The following USP32 variants were observed in gnomAD, a reference collection of about 807,000 sequenced individuals.
USP32 encodes the protein ubiquitin specific peptidase 32, also known as ubiquitin carboxyl-terminal hydrolase 32.
Under a neutral mutation model 204.8 loss-of-function variants are expected in USP32, and 59 were observed. That is an observed-to-expected ratio of 0.29 (90% CI 0.23 to 0.36). The LOEUF (loss-of-function observed/expected upper bound fraction) is 0.36, where lower values mean the gene tolerates loss of function less well. Among genes scored for constraint, USP32 ranks in the 10% least tolerant of loss-of-function variants. USP32 has a pLI of 1.00. For missense variants in USP32, 1,160 were observed against 1,946.4 expected (o/e 0.60, Z 7.60); for synonymous variants, 517 against 678.4 (o/e 0.76, Z 3.70).
intron 1 of USP32, 22 bp from the exon 2 acceptor site, chr17:60,345,630 T>C: frequency 1.2e-6 from 2 of 1,613,622 alleles, no homozygotes; most frequent in Non-Finnish European, 1.7e-6. Context: ...AAACAGAAGA[T>C]GGGTAAGAAA....
chr17:60,212,411 G>T lies in USP32; in HGVS notation c.2105-313C>A, dbSNP rs372726448. 7.9e-5 allele frequency among the ~76,000 whole-genome samples: 12 copies of T among 152,254 alleles called. No individual in the cohort carries two copies. In the East Asian group the frequency reaches 2.3e-3, roughly 29 times the overall value. ...TACTGTAGGCAAGTGTAACACAATG[G>T]TAAGTATTTGTGTATCTAAACATGT... On this transcript the variant is annotated intron_variant, in intron 18 of 33. Coordinates refer to ENST00000300896, the MANE Select transcript of USP32 (RefSeq NM_032582.4).
intron 2 of USP32, among the ~76,000 whole-genome samples, chr17:60,321,270 G>A (rs2088105830): frequency 6.6e-6 from 1 of 152,086 alleles, no homozygotes; most frequent in African/African-American, 2.4e-5. Context: ...GCCACTGGGT[G>A]GTACACATAT....
At chr17:60,372,836 G>A (rs1214870571) in intron 1 of USP32, among the ~76,000 whole-genome samples, 2 of 139,120 alleles carry the variant, frequency 1.4e-5, no homozygotes, top group Non-Finnish European at 1.5e-5. Flanking sequence ...GACAGAGTGA[G>A]ACCCTGTCTA....
At chr17:60,347,042 C>T (rs905277106) in intron 1 of USP32, among the ~76,000 whole-genome samples, 9 of 152,120 alleles carry the variant, frequency 5.9e-5, no homozygotes, top group East Asian at 3.9e-4. Flanking sequence ...ATTCAGATAG[C>T]TCACTCTACC....
intron 2 of USP32, among the ~76,000 whole-genome samples, chr17:60,302,105 T>TTTTA (rs1191398405): frequency 3.3e-4 from 41 of 125,534 alleles, no homozygotes; most frequent in Middle Eastern, 3.8e-3. Context: ...TATATAAATA[T>TTTTA]TTTGTTTGTT....
chr17:60,401,978 T>C (rs1395477205), intron 1 of USP32, among the ~76,000 whole-genome samples: 1 of 152,130 alleles, frequency 6.6e-6, no homozygotes, highest in Non-Finnish European at 1.5e-5. Context: ...GCTCACACTG[T>C]GTGCTAGCCT....
intron 16 of USP32, among the ~76,000 whole-genome samples, chr17:60,215,231 C>T (rs1371840879): frequency 1.3e-5 from 2 of 152,172 alleles, no homozygotes; most frequent in Non-Finnish European, 2.9e-5. Flanking sequence ...CTCGGCTTCC[C>T]AAAGTGCTGG....
intron 2 of USP32, among the ~76,000 whole-genome samples, chr17:60,308,796 C>T (rs1041445718): frequency 1.3e-5 from 2 of 152,068 alleles, no homozygotes. Context: ...AGCGTGGTGG[C>T]GCATGCCTGT....
intron 5 of USP32, among the ~76,000 whole-genome samples, chr17:60,286,572 A>G (rs2087119342): frequency 6.6e-6 from 1 of 152,224 alleles, no homozygotes; most frequent in South Asian, 2.1e-4. Flanking sequence ...CCCTGCATGC[A>G]TGGAAATAAA....
intron 5 of USP32, among the ~76,000 whole-genome samples, chr17:60,272,800 AG>A (rs1598176603): frequency 6.6e-6 from 1 of 152,168 alleles, no homozygotes; most frequent in East Asian, 1.9e-4. Context: ...GTTGGAGGTA[AG>A]GTAGCTGAAA....
chr17:60,362,830 C>T (rs2089236048), intron 1 of USP32, among the ~76,000 whole-genome samples: 1 of 151,292 alleles, frequency 6.6e-6, no homozygotes. Flanking sequence ...CCTTCTTTCC[C>T]TCAGGAGAGG....
chr17:60,421,220 A>C (rs925346890), intron 1 of USP32: 13 of 325,678 alleles, frequency 4.0e-5, no homozygotes, highest in Non-Finnish European at 5.7e-5. Flanking sequence ...GGAGGCGGAT[A>C]AGTGGAAGGT....
rs561303112 is a variant in USP32, at chr17:60,181,338, G to A, written c.4534C>T (p.Leu1512=). The A allele has an allele frequency of 7.4e-6, 12 of 1,611,182 alleles. No individual in the cohort carries two copies. In the East Asian group the frequency reaches 2.5e-4, roughly 33 times the overall value. Residue 1512 remains leucine, a synonymous_variant, in exon 32 of 34, where the codon CTA becomes TTA. Coordinates refer to ENST00000300896, the MANE Select transcript of USP32 (RefSeq NM_032582.4). ...AAACCACTTACCGAAATTGCATATA[G>A]ATTATAAATAGGCTTAATACGAGTA... ...EDTRIKPIYN[L]YAISCHSGIL...
At chr17:60,257,645 T>TA (rs890508603) in intron 9 of USP32, among the ~76,000 whole-genome samples, 53 of 151,694 alleles carry the variant, frequency 3.5e-4, no homozygotes, top group African/African-American at 1.0e-3. Context: ...AAAACTGGCT[T>TA]AAAAAAAAGA....
At chr17:60,322,666 T>C (rs2088142317) in intron 2 of USP32, among the ~76,000 whole-genome samples, 3 of 152,182 alleles carry the variant, frequency 2.0e-5, no homozygotes, top group Admixed American at 6.5e-5. Flanking sequence ...GACTTGGAGT[T>C]ACATTTATAG....
At chr17:60,354,545 T>C (rs879775330) in intron 1 of USP32, among the ~76,000 whole-genome samples, 6 of 152,144 alleles carry the variant, frequency 3.9e-5, no homozygotes, top group Non-Finnish European at 7.3e-5. Context: ...TATTTGTAAA[T>C]CTGCTTGGTG....
At chr17:60,239,538 T>C (rs2085821519) in intron 11 of USP32, among the ~76,000 whole-genome samples, 2 of 152,186 alleles carry the variant, frequency 1.3e-5, no homozygotes, top group Admixed American at 1.3e-4. Flanking sequence ...GTCAATAATT[T>C]CAATGGACTT....
At chr17:60,421,752 T>C in intron 1 of USP32, 1 of 851,518 alleles carries the variant, frequency 1.2e-6, no homozygotes, top group Non-Finnish European at 1.4e-6. Flanking sequence ...GCCCACCGCG[T>C]TTCCGCCCTC....
chr17:60,398,690 G>C (rs570830298), intron 1 of USP32, among the ~76,000 whole-genome samples: 3 of 151,982 alleles, frequency 2.0e-5, no homozygotes, highest in Admixed American at 2.0e-4. Context: ...GCTAGGTACA[G>C]TGGCTGGCTC....
Sources: gnomAD v4.1 joint callset for allele counts (sites outside exome capture counted in the v4.1 genomes callset) on GRCh38, gnomAD v4.1.1 for gene constraint, MANE v1.5 for transcripts, NCBI Gene and HGNC (gene_info 2026-07-23, HGNC 2026-07-21) for gene names.